The following OSBPL6 variants were observed in gnomAD, a reference collection of about 807,000 sequenced individuals.
OSBPL6 encodes the protein oxysterol-binding protein-related protein 6.
In OSBPL6, 49 loss-of-function variants were observed where a neutral mutation model predicts 125.8. That is an observed-to-expected ratio of 0.39 (90% CI 0.31 to 0.49). OSBPL6 has a LOEUF of 0.49. Among genes scored for constraint, OSBPL6 ranks in the 20% least tolerant of loss-of-function variants. The pLI is 0.88. For synonymous variants in OSBPL6, 394 were observed against 391.8 expected, an observed-to-expected ratio of 1.01 and a Z score of -0.07; for missense variants, 986 against 1,135.4, an observed-to-expected ratio of 0.87 and a Z score of 1.89.
intron 17 of OSBPL6, among the ~76,000 whole-genome samples, 194 bp from the exon 18 acceptor site, chr2:178,383,822 CAGTGGCCTGCTGGTTTCTGTGCG>C (rs1278728042): frequency 6.6e-6 from 1 of 152,206 alleles, no homozygotes; most frequent in African/African-American, 2.4e-5. Context: ...TGCTTCACCT[CAGTGGCCTGCTGGTTTCTGTGCG>C]AGTGGTTTTA....
At chr2:178,384,719 CTT>C (rs952377624) in intron 18 of OSBPL6, among the ~76,000 whole-genome samples, 2 of 152,044 alleles carry the variant, frequency 1.3e-5, no homozygotes, top group Non-Finnish European at 2.9e-5. Flanking sequence ...AGAAGGATGA[CTT>C]TGAGTTCTGT....
At chr2:178,276,678 A>C (rs770369519) in intron 1 of OSBPL6, among the ~76,000 whole-genome samples, 2 of 151,836 alleles carry the variant, frequency 1.3e-5, no homozygotes, top group Non-Finnish European at 2.9e-5. Context: ...TGGCCTTTAC[A>C]TTCTTCTTTA....
chr2:178,250,860 T>A (rs2091667982), intron 1 of OSBPL6, among the ~76,000 whole-genome samples: 1 of 151,624 alleles, frequency 6.6e-6, no homozygotes. Flanking sequence ...ATCTCATACC[T>A]CCCCACCATT....
intron 1 of OSBPL6, among the ~76,000 whole-genome samples, chr2:178,228,296 G>A (rs1288221340): frequency 6.6e-6 from 1 of 152,212 alleles, no homozygotes; most frequent in Non-Finnish European, 1.5e-5. Flanking sequence ...AGCACTTTGG[G>A]AGGCCAAGGT....
chr2:178,281,975 A>G (rs1684235229), intron 1 of OSBPL6, among the ~76,000 whole-genome samples: 1 of 152,214 alleles, frequency 6.6e-6, no homozygotes, highest in African/African-American at 2.4e-5. Flanking sequence ...AATTGTTTGC[A>G]CAGAATTAAG....
At chr2:178,349,686 G>A (rs985325116) in intron 12 of OSBPL6, among the ~76,000 whole-genome samples, 4 of 152,012 alleles carry the variant, frequency 2.6e-5, no homozygotes, top group African/African-American at 4.8e-5. Flanking sequence ...AATGTCTCTC[G>A]GTTATCATTT....
Position 178,328,329 on chromosome 2 carries a change from A to C in OSBPL6, c.269A>C (p.Glu90Ala). 6.2e-7 allele frequency: 1 copy of C among 1,613,962 alleles called. No homozygotes were observed. Among genetic ancestry groups the C allele is most frequent in the Non-Finnish European group, 8.5e-7 (1 of 1,179,870 alleles). ...QTNVQKPDKH[E>A]GFMLKKRKWP... ...AATGTCCAGAAACCAGACAAACATG[A>C]GGGCTTTATGCTGAAGAAAAGAAAA... Residue 90 changes from glutamate (E) to alanine (A), a missense_variant, in exon 5 of 25, where the codon GAG becomes GCG. Glu to Ala is a moderately radical substitution (Grantham distance 107). Transcript: ENST00000190611.
chr2:178,358,304 GA>G (rs1692008657), intron 12 of OSBPL6, among the ~76,000 whole-genome samples: 1 of 152,066 alleles, frequency 6.6e-6, no homozygotes, highest in Non-Finnish European at 1.5e-5. Context: ...AACCTGGGGG[GA>G]AAACAACAAA....
Position 178,215,707 on chromosome 2 carries a change from A to T in OSBPL6, c.-351+21033A>T, listed in dbSNP as rs1032498058. ...AGGGAGGGAGAGTGTTAGTGGCAGG[A>T]GTTGGAGCTGAAACTTTGGCAGCAA... On this transcript the variant is annotated intron_variant, in intron 1 of 24. Coordinates refer to ENST00000190611, the MANE Select transcript of OSBPL6 (RefSeq NM_032523.4). 2.0e-5 allele frequency among the ~76,000 whole-genome samples: 3 copies of T among 152,056 alleles called. No homozygotes were observed. The East Asian group carries it at 5.8e-4, about 29-fold the overall frequency.
chr2:178,378,993 C>A (rs10165823), intron 15 of OSBPL6, among the ~76,000 whole-genome samples: 57,545 of 151,608 alleles, frequency 0.38, 11,694 homozygotes, highest in East Asian at 0.61. Flanking sequence ...AGGGAGCCCC[C>A]ACCTCTACAA....
At chr2:178,299,993 A>G (rs576499387) in intron 2 of OSBPL6, among the ~76,000 whole-genome samples, 6 of 152,330 alleles carry the variant, frequency 3.9e-5, no homozygotes, top group Non-Finnish European at 7.3e-5. Flanking sequence ...CTCTGTAAAT[A>G]GTTACGCAAA....
intron 1 of OSBPL6, among the ~76,000 whole-genome samples, chr2:178,216,653 G>T (rs760762048): frequency 2.0e-5 from 3 of 152,238 alleles, no homozygotes; most frequent in African/African-American, 7.2e-5. Context: ...TGGATGCTAA[G>T]AATGGAGGCT....
At chr2:178,243,531 G>A (rs772932402) in intron 1 of OSBPL6, among the ~76,000 whole-genome samples, 7 of 151,958 alleles carry the variant, frequency 4.6e-5, no homozygotes, top group Non-Finnish European at 7.4e-5. Context: ...CACTCCCCCC[G>A]ACCCATATGG....
At chr2:178,280,745 G>C (rs902203236) in intron 1 of OSBPL6, among the ~76,000 whole-genome samples, 3 of 152,152 alleles carry the variant, frequency 2.0e-5, no homozygotes, top group Non-Finnish European at 2.9e-5. Flanking sequence ...GTGCAGGCCT[G>C]CATAAATGTC....
intron 4 of OSBPL6, among the ~76,000 whole-genome samples, chr2:178,325,575 A>T (rs1025295797): frequency 6.6e-6 from 1 of 152,030 alleles, no homozygotes; most frequent in Admixed American, 6.6e-5. Context: ...ATTCTCTCTT[A>T]TAGTTAGCTA....
Position 178,391,112 on chromosome 2 carries a change from G to T in OSBPL6, c.2341G>T (p.Val781Leu). The T allele has an allele frequency of 1.2e-6, 2 of 1,613,964 alleles. No homozygotes were observed. The highest frequency in any genetic ancestry group is 1.7e-6 in the Non-Finnish European group (2 of 1,179,944). The change falls in exon 22 of 25, where the codon GTG (valine) becomes TTG (leucine). Residue 781 changes from valine (V) to leucine (L), a missense_variant. Val to Leu is a conservative substitution (Grantham distance 32). This residue lies in a region of OSBPL6 where 843 missense variants were observed against 997.3 expected (regional missense o/e 0.85). Coordinates refer to ENST00000190611, the MANE Select transcript of OSBPL6 (RefSeq NM_032523.4). ...TTCTAACATGAATGAAGTCCAGGGG[G>T]TGGTGATAGATCAGGAGGGGAAGGC... Reference protein sequence around the residue: ...WNSNMNEVQGVVIDQEGKAVY... With the variant: ...WNSNMNEVQGLVIDQEGKAVY...
At position 178,243,740 on chromosome 2, in the gene OSBPL6, G is replaced by A. The variant is rs189209100; in HGVS notation, c.-350-41187G>A. Among the ~76,000 whole-genome samples, 351 of 152,218 alleles carry A rather than the reference G, an allele frequency of 2.3e-3. 2 individuals carry two copies. The highest frequency in any genetic ancestry group is 7.8e-3 in the African/African-American group (326 of 41,536). On this transcript the variant is annotated intron_variant, in intron 1 of 24. Transcript: ENST00000190611. ...TCAGTCTCGGCTCACTGCAATCTCC[G>A]CCTCCAGGTTCAAGCGATTCTCCTG...
chr2:178,305,043 C>A (rs1686636710), intron 2 of OSBPL6, among the ~76,000 whole-genome samples: 2 of 152,300 alleles, frequency 1.3e-5, no homozygotes, highest in South Asian at 4.1e-4. Context: ...AAATTGATTT[C>A]TGTTTCCTGC....
intron 11 of OSBPL6, among the ~76,000 whole-genome samples, chr2:178,342,259 C>G (rs1466984822): frequency 6.6e-6 from 1 of 152,108 alleles, no homozygotes; most frequent in Non-Finnish European, 1.5e-5. Context: ...TGAAGGTGCC[C>G]AGACCATTCA....
Sources: allele counts gnomAD v4.1 joint callset (sites outside exome capture counted in the v4.1 genomes callset), GRCh38; gene constraint gnomAD v4.1.1; regional missense constraint gnomAD v4.1.1; transcripts MANE v1.5; gene names NCBI Gene and HGNC (gene_info 2026-07-23, HGNC 2026-07-21).